The following PRH1 variants were observed in gnomAD, a reference collection of about 807,000 sequenced individuals.
PRH1 encodes salivary acidic proline-rich phosphoprotein 1/2.
Under a neutral mutation model 7.9 loss-of-function variants are expected in PRH1, and 7 were observed. The ratio of observed to expected loss-of-function variants is 0.89; its 90% CI spans 0.50 to 1.67. The LOEUF is 1.67. Ranked by LOEUF, PRH1 falls within the 40% of genes most tolerant of loss-of-function variation. The pLI is 0.00. For missense variants in PRH1, 109 were observed against 223.6 expected (o/e 0.49, Z 3.27); for synonymous variants, 45 against 80.8 (o/e 0.56, Z 2.38).
chr12:11,168,260 GAAA>G lies in PRH1; in HGVS notation n.39+3159_39+3161del, dbSNP rs1565725251. 2.5e-3 allele frequency among the ~76,000 whole-genome samples: 83 copies of G among 32,676 alleles called. 23 individuals are homozygous for G. The highest frequency in any genetic ancestry group is 0.022 in the East Asian group (39 of 1,796). The allele number at this position is 32,676 out of a possible 152,430, so 21.4% of individuals were successfully genotyped here. A position where few individuals can be genotyped will look rare whatever the true frequency, so the allele number is the denominator to read the frequency against. ...AGAAAGAAAGAAAGAAAGAAAGAAA[GAAA>G]GAAAGAAAGAAAGAAAGAAAGAAAG... On this transcript the variant is annotated intron_variant and non_coding_transcript_variant, in intron 1 of 1. Transcript: ENST00000541175.
intron 2 of PRH1, among the ~76,000 whole-genome samples, chr12:10,959,727 T>G (rs1189583807): frequency 1.3e-5 from 2 of 152,168 alleles, no homozygotes; most frequent in East Asian, 3.8e-4. Context: ...AATGCTATAT[T>G]AAAATGATAT....
chr12:11,011,785 C>A (rs143278919), intron 1 of PRH1, among the ~76,000 whole-genome samples: 1 of 152,234 alleles, frequency 6.6e-6, no homozygotes, highest in East Asian at 1.9e-4. Context: ...CTGGTTGCTG[C>A]TAACTAATAC....
intron 1 of PRH1, among the ~76,000 whole-genome samples, chr12:11,142,137 T>C (rs1012023999): frequency 1.3e-5 from 2 of 152,106 alleles, no homozygotes; most frequent in South Asian, 2.1e-4. Context: ...AAGAAAGGCA[T>C]GACATCCGTC....
chr12:10,913,767 C>T (rs966891365), intron 2 of PRH1, among the ~76,000 whole-genome samples: 1 of 152,166 alleles, frequency 6.6e-6, no homozygotes, highest in African/African-American at 2.4e-5. Context: ...AGAGCATTTA[C>T]TCACCACTAT....
intron 1 of PRH1, among the ~76,000 whole-genome samples, chr12:10,989,750 T>G (rs1939838633): frequency 1.3e-5 from 2 of 152,200 alleles, no homozygotes; most frequent in African/African-American, 4.8e-5. Context: ...AAATATTCTT[T>G]TGAATTTCTA....
In PRH1 at chr12:10,923,990, G is replaced by GTTTTTTTTT. The variant is rs35612831; in HGVS notation, c.-58-39724_-58-39716dup. On this transcript the variant is annotated intron_variant, in intron 2 of 3. Transcript: ENST00000539853. ...GTTCTTTTTATTCATTTCTCCATCT[G>GTTTTTTTTT]TTTTTTTTTTTTTTTTTTTTTTTGA... Among the ~76,000 whole-genome samples the GTTTTTTTTT allele has an allele frequency of 7.5e-4, 67 of 89,488 alleles. 5 individuals are homozygous for GTTTTTTTTT. Among genetic ancestry groups the GTTTTTTTTT allele is most frequent in the South Asian group, 8.8e-4 (2 of 2,264 alleles). The allele number at this position is 89,488 out of a possible 152,430, so 58.7% of individuals were successfully genotyped here.
intron 2 of PRH1, chr12:10,964,749 A>G: frequency 3.0e-6 from 2 of 665,310 alleles, no homozygotes; most frequent in Non-Finnish European, 5.4e-6. Flanking sequence ...TGTTTACACA[A>G]AGAACAGATT....
intron 1 of PRH1, chr12:10,986,534 C>G: frequency 1.2e-6 from 2 of 1,614,060 alleles, no homozygotes; most frequent in Middle Eastern, 3.3e-4. Context: ...AATTGGCAAT[C>G]TTGAGCAAAT....
intron 1 of PRH1, among the ~76,000 whole-genome samples, chr12:11,008,997 A>C (rs1206181876): frequency 6.6e-6 from 1 of 150,912 alleles, no homozygotes; most frequent in Non-Finnish European, 1.5e-5. Context: ...TACTATTTGC[A>C]TATATCTTAT....
chr12:10,966,309 ACC>A (rs997411698), intron 2 of PRH1, among the ~76,000 whole-genome samples: 3 of 152,170 alleles, frequency 2.0e-5, no homozygotes, highest in Non-Finnish European at 4.4e-5. Context: ...GTATTTTCCC[ACC>A]ACACACAGGG....
chr12:10,993,281 T>C (rs900548741), intron 1 of PRH1, among the ~76,000 whole-genome samples: 8 of 152,198 alleles, frequency 5.3e-5, no homozygotes, highest in African/African-American at 1.7e-4. Context: ...ACAAAAGCAC[T>C]GCTTCACTGT....
rs754771553 is a variant in PRH1, at chr12:10,938,328, C to G, written c.-59+35327G>C. On this transcript the variant is annotated intron_variant, in intron 2 of 3. Transcript: ENST00000539853. The stretch of plus-strand genomic sequence containing the variant: ...AACATGTACCTCAGCCACAGTAGCA[C>G]TGACAGAGAGGCCTGTCTCAGCTTC... 54 of 1,613,918 alleles carry G rather than the reference C, an allele frequency of 3.3e-5. No homozygotes were observed. Among genetic ancestry groups the G allele is most frequent in the Non-Finnish European group, 4.3e-5 (51 of 1,179,932 alleles).
chr12:11,160,005 G>A (rs1185770604), intron 1 of PRH1, among the ~76,000 whole-genome samples: 3 of 152,116 alleles, frequency 2.0e-5, no homozygotes, highest in Non-Finnish European at 2.9e-5. Flanking sequence ...TTCAGCATCA[G>A]CCACAATTTT....
intron 1 of PRH1, among the ~76,000 whole-genome samples, chr12:11,087,425 C>T (rs1194958947): frequency 8.6e-6 from 1 of 116,756 alleles, no homozygotes; most frequent in African/African-American, 2.9e-5. Flanking sequence ...TCAGATGCTA[C>T]CTAGAGCTTT....
intron 1 of PRH1, among the ~76,000 whole-genome samples, chr12:11,093,123 C>G (rs1944980898): frequency 8.6e-6 from 1 of 116,142 alleles, no homozygotes; most frequent in Admixed American, 8.7e-5. Flanking sequence ...TCTTTAGTGA[C>G]TTCAGTTGTT....
At chr12:11,163,734 T>C (rs1397041566) in intron 1 of PRH1, among the ~76,000 whole-genome samples, 3 of 152,224 alleles carry the variant, frequency 2.0e-5, no homozygotes, top group South Asian at 2.1e-4. Flanking sequence ...AGAGAATCAT[T>C]ACAAAGTCTG....
intron 1 of PRH1, among the ~76,000 whole-genome samples, chr12:11,155,102 C>T (rs1424654128): frequency 6.6e-6 from 1 of 152,162 alleles, no homozygotes; most frequent in East Asian, 1.9e-4. Context: ...TCATTCCTAT[C>T]AAACAGTTCT....
intron 1 of PRH1, among the ~76,000 whole-genome samples, chr12:11,141,180 T>C (rs74431860): frequency 0.015 from 2,328 of 152,294 alleles, 19 homozygotes; most frequent in South Asian, 0.031. Context: ...TTTGGGCTTT[T>C]TGACCCATTT....
intron 1 of PRH1, among the ~76,000 whole-genome samples, chr12:11,082,025 TTCTAAA>T (rs2136233918): frequency 8.5e-6 from 1 of 117,716 alleles, no homozygotes; most frequent in East Asian, 2.1e-4. Context: ...ACACTTAACT[TTCTAAA>T]TCTAAATGTA....
Sources: gnomAD v4.1 joint callset for allele counts (sites outside exome capture counted in the v4.1 genomes callset) on GRCh38, gnomAD v4.1.1 for gene constraint, MANE v1.5 for transcripts, NCBI Gene and HGNC (gene_info 2026-07-23, HGNC 2026-07-21) for gene names.